NCKAP1: variants seen among roughly 807,000 people sequenced by gnomAD.
NCKAP1 encodes NCK associated protein 1, also known as nck-associated protein 1.
Under a neutral mutation model 151.2 loss-of-function variants are expected in NCKAP1, and 21 were observed. The ratio of observed to expected loss-of-function variants is 0.14; its 90% CI spans 0.10 to 0.20. The LOEUF (loss-of-function observed/expected upper bound fraction) is 0.20. NCKAP1 is among the 10% of genes least tolerant of loss of function. The pLI is 1.00. For missense variants in NCKAP1, 933 were observed against 1,352.1 expected (o/e 0.69, Z 4.86); for synonymous variants, 484 against 451.8 (o/e 1.07, Z -0.90).
chr2:182,942,321 A>G (rs535551323), intron 23 of NCKAP1, among the ~76,000 whole-genome samples, 158 bp from the exon 24 acceptor site: 26 of 152,288 alleles, frequency 1.7e-4, no homozygotes, highest in Non-Finnish European at 2.2e-4. Context: ...CAATAAAAGC[A>G]TCTGAAAATT....
chr2:183,002,872 C>T (rs1698400258), intron 4 of NCKAP1, 102 bp downstream of exon 4: 3 of 759,726 alleles, frequency 3.9e-6, no homozygotes, highest in Non-Finnish European at 2.1e-6. Flanking sequence ...AATGCTAAAA[C>T]TTTATATGCT....
chr2:182,989,870 C>T (rs189869292), intron 8 of NCKAP1, among the ~76,000 whole-genome samples: 19 of 151,720 alleles, frequency 1.3e-4, no homozygotes, highest in Non-Finnish European at 1.8e-4. Flanking sequence ...AGTGTTGGTG[C>T]GCCCAGCTAT....
intron 28 of NCKAP1, 103 bp from the exon 29 acceptor site, chr2:182,928,329 T>C: frequency 1.3e-6 from 1 of 763,236 alleles, no homozygotes; most frequent in Non-Finnish European, 2.1e-6. Context: ...GGGGCATAAT[T>C]AAGAGTAGAG....
At chr2:182,951,080 C>T (rs1038917269) in intron 23 of NCKAP1, among the ~76,000 whole-genome samples, 3 of 151,858 alleles carry the variant, frequency 2.0e-5, no homozygotes, top group Admixed American at 1.3e-4. Context: ...CAATCCCCCA[C>T]CTCGGCCTCC....
intron 1 of NCKAP1, among the ~76,000 whole-genome samples, chr2:183,030,375 T>C (rs1698982144): frequency 1.3e-5 from 2 of 152,168 alleles, no homozygotes; most frequent in South Asian, 4.1e-4. Context: ...TAAAACACAT[T>C]CCTTTGCTAA....
intron 23 of NCKAP1, among the ~76,000 whole-genome samples, chr2:182,943,664 A>C (rs1255870567): frequency 6.6e-6 from 1 of 152,116 alleles, no homozygotes; most frequent in African/African-American, 2.4e-5. Context: ...CCCAACTACT[A>C]ACACTATAAG....
At chr2:182,972,251 CTG>C (rs1697715428) in intron 15 of NCKAP1, among the ~76,000 whole-genome samples, 1 of 119,824 alleles carries the variant, frequency 8.3e-6, no homozygotes, top group Non-Finnish European at 1.8e-5. Context: ...AAAAACAAAA[CTG>C]ATTTTAAAAA....
At chr2:182,986,663 A>G (rs184010227) in intron 9 of NCKAP1, among the ~76,000 whole-genome samples, 56 of 152,310 alleles carry the variant, frequency 3.7e-4, no homozygotes, top group Non-Finnish European at 6.0e-4. Flanking sequence ...TTAGTGATCA[A>G]AAGTAATGAC....
chr2:182,970,630 G>C (rs1162461713), intron 15 of NCKAP1, among the ~76,000 whole-genome samples: 1 of 152,060 alleles, frequency 6.6e-6, no homozygotes, highest in African/African-American at 2.4e-5. Flanking sequence ...AACAATAAAG[G>C]CCATAGATGA....
chr2:183,034,541 A>G (rs964414888), intron 1 of NCKAP1, among the ~76,000 whole-genome samples: 1 of 152,178 alleles, frequency 6.6e-6, no homozygotes, highest in East Asian at 1.9e-4. Flanking sequence ...AGAAGAGAGT[A>G]AACCACACAC....
intron 23 of NCKAP1, among the ~76,000 whole-genome samples, chr2:182,945,745 A>G (rs1411897182): frequency 3.9e-5 from 6 of 152,232 alleles, no homozygotes; most frequent in South Asian, 2.1e-4. Context: ...AGCAGTTTGC[A>G]GATTTCTCAA....
At chr2:182,971,676 T>C (rs534293838) in intron 15 of NCKAP1, among the ~76,000 whole-genome samples, 3 of 151,766 alleles carry the variant, frequency 2.0e-5, no homozygotes, top group Admixed American at 1.3e-4. Flanking sequence ...TACAAAGCTA[T>C]AGTAATCAAA....
chr2:182,970,023 T>A (rs1432843352), intron 15 of NCKAP1, among the ~76,000 whole-genome samples: 3 of 151,942 alleles, frequency 2.0e-5, no homozygotes, highest in Non-Finnish European at 4.4e-5. Context: ...AAAACCGACA[T>A]GAAATGGATA....
chr2:182,999,952 T>C (rs921352000), intron 6 of NCKAP1, among the ~76,000 whole-genome samples: 1 of 152,138 alleles, frequency 6.6e-6, no homozygotes, highest in African/African-American at 2.4e-5. Flanking sequence ...AGCTAAGCAT[T>C]GGGTACACAT....
intron 13 of NCKAP1, 149 bp from the exon 14 acceptor site, chr2:182,979,064 C>A: frequency 2.3e-6 from 1 of 442,670 alleles, no homozygotes; most frequent in South Asian, 6.9e-5. Flanking sequence ...TTAACACACA[C>A]CATAACACGA....
At chr2:183,013,293 AAC>A (rs1349962586) in intron 2 of NCKAP1, among the ~76,000 whole-genome samples, 1 of 152,102 alleles carries the variant, frequency 6.6e-6, no homozygotes, top group Non-Finnish European at 1.5e-5. Context: ...TCTCAAACTT[AAC>A]ACGTCTAATA....
intron 15 of NCKAP1, among the ~76,000 whole-genome samples, chr2:182,972,224 C>CAAAAA (rs56834438): frequency 9.6e-3 from 649 of 67,452 alleles, no homozygotes; most frequent in Middle Eastern, 0.013. Flanking sequence ...AGCTTAATAG[C>CAAAAA]AAAAAAAAAA....
intron 9 of NCKAP1, 22 bp from the exon 10 acceptor site, chr2:182,986,249 A>AACGTTAGTTTAATTTGATC (rs1381652214): frequency 6.3e-7 from 1 of 1,585,548 alleles, no homozygotes; most frequent in African/African-American, 1.3e-5. Context: ...AACAAATTAG[A>AACGTTAGTTTAATTTGATC]ACGTTAGTTT....
At chr2:182,979,172 A>G (rs975715774) in intron 13 of NCKAP1, among the ~76,000 whole-genome samples, 1 of 152,138 alleles carries the variant, frequency 6.6e-6, no homozygotes, top group Non-Finnish European at 1.5e-5. Flanking sequence ...ATTTATATGA[A>G]AAAGTATTTT....
Sources: allele counts gnomAD v4.1 joint callset (sites outside exome capture counted in the v4.1 genomes callset), GRCh38; gene constraint gnomAD v4.1.1; transcripts MANE v1.5; gene names NCBI Gene and HGNC (gene_info 2026-07-23, HGNC 2026-07-21).